NYAP1: variants seen among roughly 807,000 people sequenced by gnomAD.
NYAP1 encodes neuronal tyrosine phosphorylated phosphoinositide-3-kinase adaptor 1.
NYAP1 carries 20 observed loss-of-function variants against 58.6 expected under a neutral mutation model. The observed-to-expected ratio is 0.34, with a 90% CI of 0.24 to 0.50. The LOEUF (loss-of-function observed/expected upper bound fraction) is 0.50. Among genes scored for constraint, NYAP1 ranks in the 20% least tolerant of loss-of-function variants. NYAP1 has a pLI of 0.98. For synonymous variants in NYAP1, 572 were observed against 523.1 expected, an observed-to-expected ratio of 1.09 and a Z score of -1.27; for missense variants, 1,150 against 1,194.5, an observed-to-expected ratio of 0.96 and a Z score of 0.55.
At position 100,490,680 on chromosome 7, in the gene NYAP1, C is replaced by T. The variant is rs139937514; in HGVS notation, c.2109C>T (p.Thr703=). The T allele has an allele frequency of 4.1e-5, 63 of 1,549,304 alleles. No individual in the cohort carries two copies. In the African/African-American group the frequency reaches 6.1e-4, roughly 15 times the overall value. The change falls in exon 5 of 7, where the codon ACC becomes ACT. Residue 703 remains threonine, a synonymous_variant. Transcript: ENST00000300179. The surrounding 1 kb of genome is among the most constrained non-coding windows in gnomAD (Gnocchi z 4.6). The part of the protein sequence containing the change: ...IHHGDRGGSR[T]ALPIPCQTFP... ...ATGGAGACCGAGGAGGGAGCCGCACCGCGCTGCCCATTCCCTGCCAGACCT... is the reference window on the plus strand; with the variant it reads ...ATGGAGACCGAGGAGGGAGCCGCACTGCGCTGCCCATTCCCTGCCAGACCT...
In NYAP1 at chr7:100,487,050, G is replaced by A. The variant is rs1465760272; in HGVS notation, c.298G>A (p.Gly100Arg). The A allele has an allele frequency of 1.2e-6, 2 of 1,600,404 alleles. No homozygotes were observed. The highest frequency in any genetic ancestry group is 1.7e-5 in the Admixed American group (1 of 58,546). ...GGACAGTGTCGGGGGTGGCCCTGGC[G>A]GGGCCAGTGGGGGCCTCACAGAGGA... ...SMDSVGGGPG[G>R]ASGGLTEDSS... Residue 100 changes from glycine (G) to arginine (R), a missense_variant, in exon 3 of 7, where the codon GGG (glycine) becomes AGG (arginine). Physicochemically the swap from Gly to Arg is moderately radical, Grantham distance 125 (BLOSUM62 -2). Coordinates refer to ENST00000300179, the MANE Select transcript of NYAP1 (RefSeq NM_173564.4). This position sits in a 1 kb window ranked among gnomAD's most constrained non-coding sequence, Gnocchi z 4.1.
Position 100,485,253 on chromosome 7 carries a change from C to A in NYAP1, c.-59C>A. The A allele has an allele frequency of 9.3e-7, 1 of 1,075,070 alleles. No individual in the cohort carries two copies. The highest frequency in any genetic ancestry group is 1.4e-6 in the Non-Finnish European group (1 of 719,316). The allele number at this position is 1,075,070 out of a possible 1,614,324, so 66.6% of individuals were successfully genotyped here. On this transcript the variant is annotated 5_prime_UTR_variant, in exon 2 of 7. Coordinates refer to ENST00000300179, the MANE Select transcript of NYAP1 (RefSeq NM_173564.4). The surrounding 1 kb of genome is among the most constrained non-coding windows in gnomAD (Gnocchi z 5.7). ...TGGATCCGGGACCCAGGGAGGGCCG[C>A]CCCCCGGGCCTGGTGGCACTGAGCA... is the stretch of plus-strand genomic sequence containing the variant.
chr7:100,489,967 G>A (rs1799772858), intron 4 of NYAP1, among the ~76,000 whole-genome samples: 1 of 151,936 alleles, frequency 6.6e-6, no homozygotes. Flanking sequence ...GTGAGTGTGC[G>A]CACCAGGAAC....
chr7:100,489,793 C>G (rs1295435128), intron 4 of NYAP1, 127 bp downstream of exon 4: 2 of 773,060 alleles, frequency 2.6e-6, no homozygotes, highest in Non-Finnish European at 3.9e-6. Context: ...GGGATGTTTT[C>G]TAGGAGACCA....
chr7:100,488,917 C>A lies in NYAP1; in HGVS notation c.1196C>A (p.Pro399Gln). Residue 399 changes from proline to glutamine, a missense_variant, in exon 4 of 7, where the codon CCA becomes CAA. By Grantham distance (76) the Pro-to-Gln change is moderately conservative. Transcript: ENST00000300179. The surrounding 1 kb of genome is among the most constrained non-coding windows in gnomAD (Gnocchi z 5.9). ...PPAANLLLLG[P>Q]SGRARSHSTP... ...GCTGCCAACCTGCTGCTGCTGGGAC[C>A]ATCGGGCCGGGCCCGGAGCCACTCG... 6.3e-7 allele frequency: 1 copy of A among 1,587,894 alleles called. No homozygotes were observed.
intron 6 of NYAP1, among the ~76,000 whole-genome samples, chr7:100,492,806 G>T (rs1799813480): frequency 6.6e-6 from 1 of 152,108 alleles, no homozygotes; most frequent in African/African-American, 2.4e-5. Flanking sequence ...GGCTGAGGCA[G>T]GAGAATCACT....
intron 1 of NYAP1, among the ~76,000 whole-genome samples, 188 bp downstream of exon 1, chr7:100,484,189 AG>A (rs1799674921): frequency 2.0e-5 from 3 of 151,702 alleles, no homozygotes; most frequent in Admixed American, 1.3e-4. Context: ...GGTTTGGAAC[AG>A]GGGAAGGGGG....
chr7:100,487,021 G>T lies in NYAP1; in HGVS notation c.269G>T (p.Ser90Ile). Residue 90 changes from serine to isoleucine, a missense_variant, in exon 3 of 7, where the codon AGC becomes ATC. Ser to Ile is a moderately radical substitution (Grantham distance 142). Coordinates refer to ENST00000300179, the MANE Select transcript of NYAP1 (RefSeq NM_173564.4). This position sits in a 1 kb window ranked among gnomAD's most constrained non-coding sequence, Gnocchi z 4.1. ...TCCCTCTCCTGCCACTCGGTGGGCAGCATGGACAGTGTCGGGGGTGGCCCT... is the reference window on the plus strand; with the variant it reads ...TCCCTCTCCTGCCACTCGGTGGGCATCATGGACAGTGTCGGGGGTGGCCCT... ...PRSLSCHSVGSMDSVGGGPGG... is the reference protein window; with the variant it reads ...PRSLSCHSVGIMDSVGGGPGG... The T allele has an allele frequency of 6.2e-7, 1 of 1,608,624 alleles. No homozygotes were observed. Among genetic ancestry groups the T allele is most frequent in the Non-Finnish European group, 8.5e-7 (1 of 1,177,474 alleles).
chr7:100,493,910 CG>C lies in NYAP1; in HGVS notation c.*14del, dbSNP rs934406928. ...CTGGGACACCGCCATCTGAGGCGGG[CG>C]GGGGGGTACCGGGGCGCCTGGACTG... On this transcript the variant is annotated 3_prime_UTR_variant, in exon 7 of 7. Transcript: ENST00000300179. 9.8e-6 allele frequency: 14 copies of C among 1,432,970 alleles called. No individual in the cohort carries two copies. The highest frequency in any genetic ancestry group is 1.5e-5 in the South Asian group (1 of 68,242). 88.8% of individuals were successfully genotyped at this position (1,432,970 alleles called of 1,614,324 possible).
At chr7:100,484,302 C>T (rs897778768) in intron 1 of NYAP1, among the ~76,000 whole-genome samples, 3 of 151,916 alleles carry the variant, frequency 2.0e-5, no homozygotes, top group Non-Finnish European at 2.9e-5. Context: ...GTATGGAGGC[C>T]GCAGCCCAGA....
chr7:100,491,574 G>T (rs1799796095), intron 6 of NYAP1, among the ~76,000 whole-genome samples: 1 of 151,820 alleles, frequency 6.6e-6, no homozygotes, highest in Non-Finnish European at 1.5e-5. Flanking sequence ...TCCAGTCTGA[G>T]CCACAGAGTG....
Position 100,488,060 on chromosome 7 carries a change from T to C in NYAP1, c.431-92T>C, listed in dbSNP as rs1799730093. ...GGAAAAGGAAGAGGCAGATATGTCC[T>C]TGCAGAAGGGTCAAGGGATCAGAAT... is the stretch of plus-strand genomic sequence containing the variant. On this transcript the variant is annotated intron_variant, in intron 3 of 6. Transcript: ENST00000300179. The surrounding 1 kb of genome is among the most constrained non-coding windows in gnomAD (Gnocchi z 5.9). 2 of 906,414 alleles carry C rather than the reference T, an allele frequency of 2.2e-6. No individual in the cohort carries two copies. Among genetic ancestry groups the C allele is most frequent in the Non-Finnish European group, 3.4e-6 (2 of 595,742 alleles). 56.1% of individuals were successfully genotyped at this position (906,414 alleles called of 1,614,324 possible).
At chr7:100,493,556 G>T (rs1423339610) in intron 6 of NYAP1, 90 bp from the exon 7 acceptor site, 2 of 1,101,272 alleles carry the variant, frequency 1.8e-6, no homozygotes, top group African/African-American at 1.6e-5. Context: ...TCTGAGGGGA[G>T]ACGTGGGTCT....
At position 100,490,663 on chromosome 7, in the gene NYAP1, C is replaced by G. The variant is rs1174030639; in HGVS notation, c.2092C>G (p.Arg698Gly). Residue 698 changes from arginine (R) to glycine (G), a missense_variant, in exon 5 of 7, where the codon CGA (arginine) becomes GGA (glycine). Transcript: ENST00000300179. This position sits in a 1 kb window ranked among gnomAD's most constrained non-coding sequence, Gnocchi z 4.6. ...GCTGGCCAGGATCCACCATGGAGAC[C>G]GAGGAGGGAGCCGCACCGCGCTGCC... The part of the protein sequence containing the change: ...GLLARIHHGD[R>G]GGSRTALPIP... 6.4e-7 allele frequency: 1 copy of G among 1,563,800 alleles called. No homozygotes were observed. The highest frequency in any genetic ancestry group is 8.7e-7 in the Non-Finnish European group (1 of 1,154,632).
intron 6 of NYAP1, among the ~76,000 whole-genome samples, chr7:100,492,665 G>A (rs1056739147): frequency 6.6e-5 from 10 of 151,830 alleles, no homozygotes; most frequent in South Asian, 6.2e-4. Flanking sequence ...TTGGGAGGCC[G>A]AGCCAAGAGA....
chr7:100,488,820 GCCGGCTCCA>G lies in NYAP1; in HGVS notation c.1102_1110del (p.Gly368_Thr370del). On this transcript the variant is annotated inframe_deletion, in exon 4 of 7. Coordinates refer to ENST00000300179, the MANE Select transcript of NYAP1 (RefSeq NM_173564.4). This position sits in a 1 kb window ranked among gnomAD's most constrained non-coding sequence, Gnocchi z 5.9. The stretch of plus-strand genomic sequence containing the variant: ...TGTCCTCTGCCACTCCAAGGAGCCA[GCCGGCTCCA>G]CCCCAGCTCCCCAAGTGCCTGCACG... 1 of 1,575,850 alleles carries G rather than the reference GCCGGCTCCA, an allele frequency of 6.3e-7. No individual in the cohort carries two copies. Among genetic ancestry groups the G allele is most frequent in the Non-Finnish European group, 8.6e-7 (1 of 1,163,004 alleles).
At chr7:100,484,883 G>A (rs1315334412) in intron 1 of NYAP1, among the ~76,000 whole-genome samples, 1 of 151,978 alleles carries the variant, frequency 6.6e-6, no homozygotes, top group Non-Finnish European at 1.5e-5. Flanking sequence ...GATGTGGGTC[G>A]GTGGCTCCGT....
rs1311475463 is a variant in NYAP1 at position 100,486,828 on chromosome 7, A to G, written c.76A>G (p.Lys26Glu). ...KEEEAKRSSS[K>E]EVAPAGSAGP... ...GTGGCCTTCTCTCCCCAGCTCCAGT[A>G]AGGAGGTGGCCCCCGCTGGCTCGGC... The change falls in exon 3 of 7, where the codon AAG becomes GAG. Residue 26 changes from lysine (K) to glutamate (E), a missense_variant. Transcript: ENST00000300179. The surrounding 1 kb of genome is among the most constrained non-coding windows in gnomAD (Gnocchi z 6.2). The G allele has an allele frequency of 2.0e-6, 3 of 1,503,124 alleles. No individual in the cohort carries two copies. Among genetic ancestry groups the G allele is most frequent in the Non-Finnish European group, 2.7e-6 (3 of 1,130,964 alleles). The allele number at this position is 1,503,124 out of a possible 1,614,324, so 93.1% of individuals were successfully genotyped here.
In NYAP1 at chr7:100,488,872, C is replaced by G; in HGVS notation, c.1151C>G (p.Pro384Arg). The G allele has an allele frequency of 6.3e-7, 1 of 1,599,600 alleles. No individual in the cohort carries two copies. The highest frequency in any genetic ancestry group is 8.5e-7 in the Non-Finnish European group (1 of 1,175,156). The change falls in exon 4 of 7, where the codon CCC (proline) becomes CGC (arginine). Residue 384 changes from proline to arginine, a missense_variant. Pro to Arg is a moderately radical substitution (Grantham distance 103). Coordinates refer to ENST00000300179, the MANE Select transcript of NYAP1 (RefSeq NM_173564.4). The surrounding 1 kb of genome is among the most constrained non-coding windows in gnomAD (Gnocchi z 5.9). ...CCTGCACGGGAGCGGGAGACGCCTC[C>G]CCCACCGCCTCCACCTCCTGCTGCC... ...QVPARERETP[P>R]PPPPPPAANL... is the part of the protein sequence containing the mutation.
Sources: gnomAD v4.1 joint callset for allele counts (sites outside exome capture counted in the v4.1 genomes callset) on GRCh38, gnomAD v4.1.1 for gene constraint, Gnocchi (gnomAD v3.1) non-coding constraint, MANE v1.5 for transcripts, NCBI Gene and HGNC (gene_info 2026-07-23, HGNC 2026-07-21) for gene names.